TPCN1: variants seen among roughly 807,000 people sequenced by gnomAD.
The protein encoded by TPCN1 is two pore segment channel 1.
Under a neutral mutation model 108.8 loss-of-function variants are expected in TPCN1, and 52 were observed. The observed-to-expected ratio is 0.48, with a 90% confidence interval of 0.38 to 0.60. The LOEUF is 0.60. Ranked by LOEUF, TPCN1 falls within the 20% of genes least tolerant of loss-of-function variation. TPCN1 has a pLI of 0.00. For synonymous variants in TPCN1, 446 were observed against 433.7 expected, an observed-to-expected ratio of 1.03 and a Z score of -0.35; for missense variants, 806 against 1,072.8, an observed-to-expected ratio of 0.75 and a Z score of 3.47.
rs186761671 is a variant in TPCN1, at chr12:113,256,283, T to G, written c.113-4085T>G. ...CATATGGAAGTTCAAATTTTTTTAC[T>G]TTTTAAATTTTTTTTTTTTGTAGAG... On this transcript the variant is annotated intron_variant, in intron 2 of 27. Coordinates refer to ENST00000335509, the MANE Select transcript of TPCN1 (RefSeq NM_017901.6). Among the ~76,000 whole-genome samples the G allele has an allele frequency of 9.5e-4, 145 of 151,960 alleles. 1 individual carries two copies. Among genetic ancestry groups the G allele is most frequent in the African/African-American group, 3.3e-3 (138 of 41,434 alleles).
chr12:113,286,973 C>T lies in TPCN1; in HGVS notation c.1527-14C>T, dbSNP rs1956104347. ...AGGGCCACAGGGTGGACCTTGGCCT[C>T]TCCCCTACTGCAGGTTTGACTTCTC... is the stretch of plus-strand genomic sequence containing the variant. On this transcript the variant is annotated splice_polypyrimidine_tract_variant and intron_variant, in intron 18 of 27. Coordinates refer to ENST00000335509, the MANE Select transcript of TPCN1 (RefSeq NM_017901.6). The T allele has an allele frequency of 1.2e-6, 2 of 1,608,526 alleles. No individual in the cohort carries two copies. The highest frequency in any genetic ancestry group is 1.7e-6 in the Non-Finnish European group (2 of 1,175,774).
At chr12:113,271,409 A>T (rs1416135204) in intron 7 of TPCN1, among the ~76,000 whole-genome samples, 1 of 152,146 alleles carries the variant, frequency 6.6e-6, no homozygotes, top group Non-Finnish European at 1.5e-5. Flanking sequence ...CCCCAAAGGT[A>T]CCCCCTGTCC....
Position 113,259,305 on chromosome 12 carries a change from G to A in TPCN1, c.113-1063G>A, listed in dbSNP as rs184721845. Among the ~76,000 whole-genome samples the A allele has an allele frequency of 1.8e-3, 267 of 152,164 alleles. 2 individuals are homozygous for A. Among genetic ancestry groups the A allele is most frequent in the Admixed American group, 5.0e-3 (76 of 15,272 alleles). ...AACATTAGATTCTTTATCTTCCTTCGGGTGGATCATTTACAATGCAGATTT... is the reference window on the plus strand; with the variant it reads ...AACATTAGATTCTTTATCTTCCTTCAGGTGGATCATTTACAATGCAGATTT... On this transcript the variant is annotated intron_variant, in intron 2 of 27. Transcript: ENST00000335509.
intron 2 of TPCN1, chr12:113,249,328 G>A (rs776393034): frequency 6.6e-5 from 10 of 152,212 alleles, no homozygotes; most frequent in African/African-American, 2.2e-4. Context: ...CGTACCGCAC[G>A]GCAGACAGTG....
At chr12:113,224,298 C>A (rs1953387962) in intron 1 of TPCN1, among the ~76,000 whole-genome samples, 1 of 152,130 alleles carries the variant, frequency 6.6e-6, no homozygotes, top group Admixed American at 6.5e-5. Context: ...AATAAGCCTG[C>A]CTATCTCATG....
chr12:113,267,451 T>C (rs1955308567), intron 4 of TPCN1, among the ~76,000 whole-genome samples: 1 of 151,954 alleles, frequency 6.6e-6, no homozygotes, highest in Non-Finnish European at 1.5e-5. Flanking sequence ...CAGGCTGGTG[T>C]GCAGTGGCAC....
chr12:113,288,509 G>C lies in TPCN1; in HGVS notation c.1707-249G>C. On this transcript the variant is annotated intron_variant, in intron 20 of 27. Coordinates refer to ENST00000335509, the MANE Select transcript of TPCN1 (RefSeq NM_017901.6). The surrounding 1 kb of genome is among the most constrained non-coding windows in gnomAD (Gnocchi z 4.8). ...TACATTCACAGGTAAGGGGTCACCT[G>C]TGAGTCTACCTTCACAGGTAAGGGG... 6.7e-7 allele frequency: 1 copy of C among 1,499,644 alleles called. No homozygotes were observed. Among genetic ancestry groups the C allele is most frequent in the African/African-American group, 1.4e-5 (1 of 72,104 alleles). 92.9% of individuals were successfully genotyped at this position (1,499,644 alleles called of 1,614,324 possible).
At chr12:113,270,055 G>A (rs922327339) in intron 7 of TPCN1, among the ~76,000 whole-genome samples, 1 of 152,062 alleles carries the variant, frequency 6.6e-6, no homozygotes, top group Admixed American at 6.6e-5. Context: ...AATTAGCTGG[G>A]CGTGGTGGTG....
At chr12:113,260,984 G>A (rs1472836185) in intron 3 of TPCN1, among the ~76,000 whole-genome samples, 1 of 152,058 alleles carries the variant, frequency 6.6e-6, no homozygotes, top group Non-Finnish European at 1.5e-5. Flanking sequence ...CTTGAGATCA[G>A]GAGTTCGAGA....
Position 113,265,950 on chromosome 12 carries a change from C to T in TPCN1, c.238-230C>T, listed in dbSNP as rs1277847678. On this transcript the variant is annotated intron_variant, in intron 3 of 27. Coordinates refer to ENST00000335509, the MANE Select transcript of TPCN1 (RefSeq NM_017901.6). ...GGACCCTTTTAGTCTTTGGTTCCTC[C>T]GAGTGGTTTTTAAGAAGCAGCAAAT... Among the ~76,000 whole-genome samples, 10 of 152,252 alleles carry T rather than the reference C, an allele frequency of 6.6e-5. No homozygotes were observed. In the East Asian group the frequency reaches 1.5e-3, roughly 23 times the overall value.
intron 2 of TPCN1, among the ~76,000 whole-genome samples, chr12:113,256,194 TATTG>T (rs1414763111): frequency 6.6e-6 from 1 of 152,052 alleles, no homozygotes; most frequent in Non-Finnish European, 1.5e-5. Context: ...GCTAGGTTTC[TATTG>T]ATTGATTGAT....
chr12:113,250,552 G>A (rs1331942047), intron 2 of TPCN1, among the ~76,000 whole-genome samples: 1 of 152,234 alleles, frequency 6.6e-6, no homozygotes, highest in African/African-American at 2.4e-5. Flanking sequence ...TCCCCACTAA[G>A]GGCCCAGCAC....
intron 3 of TPCN1, among the ~76,000 whole-genome samples, chr12:113,261,918 G>T (rs868642919): frequency 6.6e-6 from 1 of 151,420 alleles, no homozygotes; most frequent in Non-Finnish European, 1.5e-5. Flanking sequence ...TGGAATTACC[G>T]GGTAGAAGGA....
intron 2 of TPCN1, among the ~76,000 whole-genome samples, chr12:113,250,693 G>A (rs1020412450): frequency 1.3e-5 from 2 of 151,614 alleles, no homozygotes; most frequent in East Asian, 2.0e-4. Flanking sequence ...AGTGGCTCAC[G>A]CCTGTAATCC....
chr12:113,230,420 C>G (rs1319643079), intron 2 of TPCN1, among the ~76,000 whole-genome samples: 1 of 151,264 alleles, frequency 6.6e-6, no homozygotes, highest in Non-Finnish European at 1.5e-5. Context: ...GCTGAGACTA[C>G]AGGCATGTGT....
At chr12:113,291,802 G>T in intron 24 of TPCN1, 72 bp from the exon 25 acceptor site, 2 of 1,564,918 alleles carry the variant, frequency 1.3e-6, no homozygotes, top group Non-Finnish European at 1.8e-6. Context: ...TGTTGGGCGT[G>T]GGCTGCGCAG....
chr12:113,266,411 G>A lies in TPCN1; in HGVS notation c.414+55G>A, dbSNP rs1000648684. ...CTGGGAGCCACGGCTTTCAGGGCAA[G>A]CGATGGAACTCCAAAAAGGAACATT... is the stretch of plus-strand genomic sequence containing the variant. On this transcript the variant is annotated intron_variant, in intron 4 of 27. Transcript: ENST00000335509. This position sits in a 1 kb window ranked among gnomAD's most constrained non-coding sequence, Gnocchi z 4.2. 7 of 1,584,238 alleles carry A rather than the reference G, an allele frequency of 4.4e-6. No homozygotes were observed. The African/African-American group carries it at 8.1e-5, about 18-fold the overall frequency.
At chr12:113,243,784 AT>A (rs1218557640) in intron 2 of TPCN1, among the ~76,000 whole-genome samples, 18 of 145,350 alleles carry the variant, frequency 1.2e-4, no homozygotes, top group African/African-American at 4.2e-4. Context: ...TAAAAATAAA[AT>A]AAAAAAAGTT....
chr12:113,263,307 G>A (rs928612499), intron 3 of TPCN1, among the ~76,000 whole-genome samples: 1 of 152,136 alleles, frequency 6.6e-6, no homozygotes, highest in South Asian at 2.1e-4. Context: ...TCCGTTGCCC[G>A]GGCTGGAGTA....
Sources: gnomAD v4.1 joint callset for allele counts (sites outside exome capture counted in the v4.1 genomes callset) on GRCh38, gnomAD v4.1.1 for gene constraint, Gnocchi (gnomAD v3.1) non-coding constraint, MANE v1.5 for transcripts, NCBI Gene and HGNC (gene_info 2026-07-23, HGNC 2026-07-21) for gene names.